SCN2A: variants seen among roughly 807,000 people sequenced by gnomAD.
The protein encoded by SCN2A is sodium channel protein type 2 subunit alpha.
SCN2A carries 20 observed loss-of-function variants against 188.7 expected under a neutral mutation model. That is an observed-to-expected ratio of 0.11 (90% CI 0.07 to 0.15). The LOEUF is 0.15. Among genes scored for constraint, SCN2A ranks in the 10% least tolerant of loss-of-function variants. SCN2A has a pLI of 1.00. For missense variants in SCN2A, 1,278 were observed against 2,445.0 expected, an observed-to-expected ratio of 0.52 and a Z score of 10.07; for synonymous variants, 804 against 833.1, an observed-to-expected ratio of 0.97 and a Z score of 0.60.
chr2:165,258,682 C>T (rs1042437898), intron 1 of SCN2A, among the ~76,000 whole-genome samples: 1 of 152,174 alleles, frequency 6.6e-6, no homozygotes, highest in Admixed American at 6.5e-5. Flanking sequence ...TGGCATCAAC[C>T]TAAATACTCA....
intron 1 of SCN2A, among the ~76,000 whole-genome samples, chr2:165,289,207 A>G (rs1476106066): frequency 3.9e-5 from 6 of 152,030 alleles, no homozygotes; most frequent in Admixed American, 6.6e-5. Context: ...TTGTGGTACA[A>G]TGTTTATTAC....
At position 165,265,471 on chromosome 2, in the gene SCN2A, C is replaced by CTATATATATATATA. The variant is rs1178289931; in HGVS notation, c.-52+25863_-52+25876dup. ...TAGGTTATGTGTTTACTCTGTTGATCTATATATATATATATATATATATAT... is the reference window on the plus strand; with the variant it reads ...TAGGTTATGTGTTTACTCTGTTGATCTATATATATATATATATATATATATATATATATATATAT... On this transcript the variant is annotated intron_variant, in intron 1 of 26. Coordinates refer to ENST00000375437, the MANE Select transcript of SCN2A (RefSeq NM_001040142.2). 2.4e-3 allele frequency among the ~76,000 whole-genome samples: 70 copies of CTATATATATATATA among 29,012 alleles called. 6 individuals are homozygous for CTATATATATATATA. The highest frequency in any genetic ancestry group is 3.8e-3 in the Non-Finnish European group (58 of 15,298). The allele number at this position is 29,012 out of a possible 152,430, so 19.0% of individuals were successfully genotyped here.
intron 18 of SCN2A, 135 bp downstream of exon 18, chr2:165,365,398 TAGTAATC>T: frequency 1.2e-5 from 9 of 749,996 alleles, no homozygotes; most frequent in Admixed American, 3.2e-5. Flanking sequence ...TCTATCTATC[TAGTAATC>T]ATCTATACCT....
intron 17 of SCN2A, among the ~76,000 whole-genome samples, chr2:165,359,641 A>G (rs1700356515): frequency 6.6e-6 from 1 of 152,100 alleles, no homozygotes; most frequent in Non-Finnish European, 1.5e-5. Flanking sequence ...ATGTGCAGGG[A>G]AGGTTTGCGT....
intron 6 of SCN2A, among the ~76,000 whole-genome samples, 193 bp from the exon 7 acceptor site, chr2:165,310,130 A>G (rs939998045): frequency 6.6e-6 from 1 of 152,160 alleles, no homozygotes; most frequent in African/African-American, 2.4e-5. Context: ...ATGAACATAC[A>G]AGTTCTGCTT....
At chr2:165,276,522 G>A (rs1265298504) in intron 1 of SCN2A, among the ~76,000 whole-genome samples, 2 of 152,126 alleles carry the variant, frequency 1.3e-5, no homozygotes, top group African/African-American at 2.4e-5. Context: ...AAACTTCTAC[G>A]CCATTGCTCT....
intron 1 of SCN2A, chr2:165,245,571 A>C (rs1245569293): frequency 1.3e-5 from 2 of 152,204 alleles, no homozygotes; most frequent in African/African-American, 4.8e-5. Context: ...GAGCCCAGCA[A>C]TTGTCAGGCA....
chr2:165,380,579 T>C lies in SCN2A; in HGVS notation c.4309-13T>C. 1 of 1,556,280 alleles carries C rather than the reference T, an allele frequency of 6.4e-7. No homozygotes were observed. Among genetic ancestry groups the C allele is most frequent in the Non-Finnish European group, 8.9e-7 (1 of 1,128,886 alleles). On this transcript the variant is annotated splice_polypyrimidine_tract_variant and intron_variant, in intron 23 of 26. Coordinates refer to ENST00000375437, the MANE Select transcript of SCN2A (RefSeq NM_001040142.2). ...TACTAGATATAATGGTTACAATTCT[T>C]CATATTCTTTAGGTAGAATTACAAC...
intron 15 of SCN2A, among the ~76,000 whole-genome samples, chr2:165,343,309 T>A (rs758251935): frequency 3.3e-5 from 5 of 152,158 alleles, no homozygotes; most frequent in Non-Finnish European, 7.4e-5. Context: ...CAAATTTGAG[T>A]TGTAATCCTT....
chr2:165,341,229 G>C (rs1198530785), intron 14 of SCN2A, among the ~76,000 whole-genome samples: 1 of 152,184 alleles, frequency 6.6e-6, no homozygotes, highest in Non-Finnish European at 1.5e-5. Flanking sequence ...GAGTAGCTAA[G>C]ACTACAGGCG....
intron 7 of SCN2A, chr2:165,310,814 T>C (rs534522254): frequency 1.0e-5 from 3 of 290,268 alleles, no homozygotes; most frequent in African/African-American, 6.6e-5. Flanking sequence ...TGTTGTCTTA[T>C]ACTCATGTTG....
intron 3 of SCN2A, among the ~76,000 whole-genome samples, chr2:165,302,795 A>G (rs1696893701): frequency 6.6e-6 from 1 of 152,204 alleles, no homozygotes; most frequent in Non-Finnish European, 1.5e-5. Flanking sequence ...TGCCAGTGTT[A>G]TGATGATCCA....
At chr2:165,303,666 A>T (rs1427173327) in intron 3 of SCN2A, among the ~76,000 whole-genome samples, 1 of 152,214 alleles carries the variant, frequency 6.6e-6, no homozygotes, top group Non-Finnish European at 1.5e-5. Context: ...GAAATAAATT[A>T]ACAATGATTT....
chr2:165,375,067 C>T lies in SCN2A; in HGVS notation c.4254+101C>T, dbSNP rs973351233. 3.0e-6 allele frequency: 3 copies of T among 1,014,734 alleles called. No individual in the cohort carries two copies. The African/African-American group carries it at 4.8e-5, about 16-fold the overall frequency. The allele number at this position is 1,014,734 out of a possible 1,614,324, so 62.9% of individuals were successfully genotyped here. A position where few individuals can be genotyped will look rare whatever the true frequency, so the allele number is the denominator to read the frequency against. On this transcript the variant is annotated intron_variant, in intron 22 of 26. Coordinates refer to ENST00000375437, the MANE Select transcript of SCN2A (RefSeq NM_001040142.2). Reference sequence around the variant, plus strand: ...ATCCACCTGTTAGAATGGCTATTATCAAACAGATAAATGACAATAAATGCT... The same window carrying T: ...ATCCACCTGTTAGAATGGCTATTATTAAACAGATAAATGACAATAAATGCT...
intron 26 of SCN2A, among the ~76,000 whole-genome samples, chr2:165,387,595 T>C (rs1701941186): frequency 6.6e-6 from 1 of 152,136 alleles, no homozygotes; most frequent in South Asian, 2.1e-4. Context: ...GATACATTAA[T>C]GTTAGGATAC....
intron 1 of SCN2A, among the ~76,000 whole-genome samples, chr2:165,287,591 G>A (rs1296876209): frequency 6.6e-6 from 1 of 151,834 alleles, no homozygotes; most frequent in Non-Finnish European, 1.5e-5. Flanking sequence ...AGACAGTTTA[G>A]TAACCACCTG....
intron 15 of SCN2A, among the ~76,000 whole-genome samples, chr2:165,343,815 CTTAAGT>C (rs1452801864): frequency 1.7e-5 from 2 of 119,844 alleles, no homozygotes; most frequent in Non-Finnish European, 1.9e-5. Flanking sequence ...TAGCGTTTTA[CTTAAGT>C]TTAAGTATTT....
intron 16 of SCN2A, among the ~76,000 whole-genome samples, chr2:165,345,169 T>C (rs1242663011): frequency 6.6e-6 from 1 of 152,188 alleles, no homozygotes; most frequent in Non-Finnish European, 1.5e-5. Context: ...TATTTATCTT[T>C]CAGTTCTTGT....
intron 12 of SCN2A, among the ~76,000 whole-genome samples, chr2:165,326,303 A>G (rs567493525): frequency 2.6e-5 from 4 of 152,334 alleles, no homozygotes; most frequent in Admixed American, 1.3e-4. Flanking sequence ...GGACAAAGTT[A>G]TAGACTAGTT....
Sources: gnomAD v4.1 joint callset for allele counts (sites outside exome capture counted in the v4.1 genomes callset) on GRCh38, gnomAD v4.1.1 for gene constraint, MANE v1.5 for transcripts, NCBI Gene and HGNC (gene_info 2026-07-23, HGNC 2026-07-21) for gene names.